Variants in TANC2 observed in about 807,000 individuals in gnomAD.
The protein encoded by TANC2 is protein TANC2.
Under a neutral mutation model 210.5 loss-of-function variants are expected in TANC2, and 26 were observed. The observed-to-expected ratio is 0.12, with a 90% CI of 0.09 to 0.17. The LOEUF is 0.17. Ranked by LOEUF, TANC2 falls within the 10% of genes least tolerant of loss-of-function variation. The pLI is 1.00. For synonymous variants in TANC2, 931 were observed against 967.1 expected (o/e 0.96, Z 0.69); for missense variants, 2,129 against 2,608.9 (o/e 0.82, Z 4.01).
intron 4 of TANC2, among the ~76,000 whole-genome samples, chr17:63,124,736 G>A (rs2038639337): frequency 6.6e-6 from 1 of 152,202 alleles, no homozygotes; most frequent in Non-Finnish European, 1.5e-5. Context: ...ATGTGAGCCT[G>A]CAGGCGAGCA....
intron 9 of TANC2, among the ~76,000 whole-genome samples, chr17:63,289,014 C>G (rs892934348): frequency 1.3e-5 from 2 of 152,062 alleles, no homozygotes; most frequent in Non-Finnish European, 2.9e-5. Context: ...ATCTTACTCC[C>G]CTCTCTTCTT....
intron 9 of TANC2, among the ~76,000 whole-genome samples, chr17:63,307,412 A>G (rs531015054): frequency 2.3e-4 from 35 of 152,236 alleles, no homozygotes; most frequent in Non-Finnish European, 4.4e-4. Context: ...GCTTATATCA[A>G]TTCATGTAAG....
intron 4 of TANC2, among the ~76,000 whole-genome samples, chr17:63,140,457 C>T (rs1397530719): frequency 2.0e-5 from 3 of 152,168 alleles, no homozygotes; most frequent in African/African-American, 7.2e-5. Flanking sequence ...ACTATCTCAA[C>T]GTGAGACTTT....
intron 2 of TANC2, among the ~76,000 whole-genome samples, chr17:63,023,214 G>A (rs1035004768): frequency 7.2e-5 from 11 of 152,220 alleles, no homozygotes; most frequent in African/African-American, 2.7e-4. Flanking sequence ...ACTCTATCCT[G>A]TGAGAACAGT....
intron 3 of TANC2, among the ~76,000 whole-genome samples, chr17:63,092,487 C>A (rs190072129): frequency 7.1e-4 from 108 of 151,894 alleles, no homozygotes; most frequent in African/African-American, 2.5e-3. Flanking sequence ...GCCATTCTTG[C>A]ATTGCTATAA....
chr17:63,296,867 G>A (rs900118357), intron 9 of TANC2, among the ~76,000 whole-genome samples: 1 of 152,018 alleles, frequency 6.6e-6, no homozygotes, highest in African/African-American at 2.4e-5. Flanking sequence ...GAATTATTCA[G>A]TCTAAAGAAG....
At chr17:63,136,270 A>G (rs1007232154) in intron 4 of TANC2, among the ~76,000 whole-genome samples, 12 of 152,204 alleles carry the variant, frequency 7.9e-5, no homozygotes, top group African/African-American at 2.7e-4. Context: ...TGTTGTCTCC[A>G]TATTTATTGC....
intron 26 of TANC2, among the ~76,000 whole-genome samples, chr17:63,416,822 C>T (rs1224914226): frequency 2.0e-5 from 3 of 152,138 alleles, no homozygotes; most frequent in South Asian, 4.1e-4. Flanking sequence ...TGGAAGAGGC[C>T]CCCCAACCCC....
At chr17:63,163,923 A>T (rs570297834) in intron 5 of TANC2, among the ~76,000 whole-genome samples, 9 of 152,202 alleles carry the variant, frequency 5.9e-5, no homozygotes, top group African/African-American at 1.9e-4. Context: ...GCATAAATAC[A>T]TTTGGCTGTT....
chr17:63,037,993 T>C (rs990404322), intron 2 of TANC2, among the ~76,000 whole-genome samples: 1 of 152,164 alleles, frequency 6.6e-6, no homozygotes, highest in Admixed American at 6.5e-5. Flanking sequence ...TTTGTTCCTT[T>C]CCAGTATGTA....
rs538927048 is a variant in TANC2, at chr17:63,422,023, G to A, written c.*68G>A. On this transcript the variant is annotated 3_prime_UTR_variant, in exon 28 of 28. Transcript: ENST00000689528. The stretch of plus-strand genomic sequence containing the variant: ...ATTTTCAGGCTTGGTTTCCACATTC[G>A]AGGTAGTTCTCTGGCTTAATTTCTC... The A allele has an allele frequency of 1.5e-4, 228 of 1,515,110 alleles. 1 individual carries two copies. In the African/African-American group the frequency reaches 2.7e-3, roughly 18 times the overall value. 93.9% of individuals were successfully genotyped at this position (1,515,110 alleles called of 1,614,324 possible).
At chr17:63,110,363 A>G (rs547082312) in intron 4 of TANC2, among the ~76,000 whole-genome samples, 2 of 151,916 alleles carry the variant, frequency 1.3e-5, no homozygotes, top group Non-Finnish European at 2.9e-5. Flanking sequence ...TGTTTATTAA[A>G]TATAATTTTC....
chr17:63,022,056 C>G lies in TANC2; in HGVS notation c.67+12430C>G, dbSNP rs150181195. Among the ~76,000 whole-genome samples, 9 of 152,112 alleles carry G rather than the reference C, an allele frequency of 5.9e-5. No homozygotes were observed. The East Asian group carries it at 1.4e-3, about 23-fold the overall frequency. Reference sequence around the variant, plus strand: ...GAAGGTGGAATTTAAGAATGACAAACTAGGCCGGGCGCGGTGGGTCATACC... The same window carrying G: ...GAAGGTGGAATTTAAGAATGACAAAGTAGGCCGGGCGCGGTGGGTCATACC... On this transcript the variant is annotated intron_variant, in intron 2 of 27. Coordinates refer to ENST00000689528, the Ensembl canonical transcript of TANC2.
rs569929860 is a variant in TANC2, at chr17:63,057,556, A to C, written c.68-16387A>C. 3.3e-5 allele frequency among the ~76,000 whole-genome samples: 5 copies of C among 151,804 alleles called. No homozygotes were observed. In the South Asian group the frequency reaches 1.0e-3, roughly 32 times the overall value. ...ACTAGGCCTTGTAGCTAATAGATAT[A>C]TTTTTTTTCGATCCTCTCTCTGCTC... On this transcript the variant is annotated intron_variant, in intron 2 of 27. Coordinates refer to ENST00000689528, the Ensembl canonical transcript of TANC2.
At chr17:63,237,427 T>C (rs1191987592) in intron 7 of TANC2, among the ~76,000 whole-genome samples, 1 of 152,172 alleles carries the variant, frequency 6.6e-6, no homozygotes, top group African/African-American at 2.4e-5. Context: ...TTCTTTTCAC[T>C]CTGCTGATTA....
At chr17:63,349,841 C>T (rs772636022) in intron 12 of TANC2, among the ~76,000 whole-genome samples, 8 of 152,012 alleles carry the variant, frequency 5.3e-5, no homozygotes, top group Non-Finnish European at 1.2e-4. Context: ...TAGTTCCAAG[C>T]AACTCCTCTT....
chr17:63,224,168 C>T (rs183865030), intron 7 of TANC2, among the ~76,000 whole-genome samples: 25 of 152,072 alleles, frequency 1.6e-4, no homozygotes, highest in African/African-American at 6.0e-4. Flanking sequence ...AACCATCTTG[C>T]CACTAGAAAC....
chr17:63,011,237 G>T (rs1285409241), intron 2 of TANC2, among the ~76,000 whole-genome samples: 2 of 151,864 alleles, frequency 1.3e-5, no homozygotes, highest in Admixed American at 6.6e-5. Flanking sequence ...GTGTGTGTGT[G>T]TGTGTTTTTT....
intron 2 of TANC2, among the ~76,000 whole-genome samples, chr17:63,024,478 G>A (rs1351942666): frequency 6.6e-6 from 1 of 152,114 alleles, no homozygotes; most frequent in East Asian, 1.9e-4. Flanking sequence ...GTGGGTTTGG[G>A]CCGGCATCTT....
Sources: gnomAD v4.1 joint callset for allele counts (sites outside exome capture counted in the v4.1 genomes callset) on GRCh38, gnomAD v4.1.1 for gene constraint, MANE v1.5 for transcripts, NCBI Gene and HGNC (gene_info 2026-07-23, HGNC 2026-07-21) for gene names.